ZNF277: variants seen among roughly 807,000 people sequenced by gnomAD.
ZNF277 encodes zinc finger protein 277.
A neutral mutation model predicts 60.7 loss-of-function variants in ZNF277; 55 were observed. That is an observed-to-expected ratio of 0.91 (90% CI 0.73 to 1.13). The LOEUF (loss-of-function observed/expected upper bound fraction) is 1.13, where lower values mean the gene tolerates loss of function less well. ZNF277 is among the 50% of genes most tolerant of loss of function. The pLI, the probability that ZNF277 is intolerant of heterozygous loss-of-function variation, is 0.00. For synonymous variants in ZNF277, 178 were observed against 179.3 expected, an observed-to-expected ratio of 0.99 and a Z score of 0.06; for missense variants, 510 against 523.0, an observed-to-expected ratio of 0.98 and a Z score of 0.24.
chr7:112,220,650 A>G (rs1471340760), intron 1 of ZNF277, among the ~76,000 whole-genome samples: 1 of 152,194 alleles, frequency 6.6e-6, no homozygotes, highest in African/African-American at 2.4e-5. Context: ...GGCCTTATTC[A>G]GAGACAGGAC....
At chr7:112,305,989 T>A (rs1224330920) in intron 4 of ZNF277, among the ~76,000 whole-genome samples, 1 of 152,126 alleles carries the variant, frequency 6.6e-6, no homozygotes, top group Non-Finnish European at 1.5e-5. Context: ...AGAAAGCTAG[T>A]ACTTTGTGAT....
chr7:112,214,749 A>T (rs1460603316), intron 1 of ZNF277, among the ~76,000 whole-genome samples: 1 of 152,180 alleles, frequency 6.6e-6, no homozygotes, highest in African/African-American at 2.4e-5. Flanking sequence ...AATATTTAAA[A>T]TTTTATAGGA....
In ZNF277 at chr7:112,327,862, G is replaced by C. The variant is rs200838932; in HGVS notation, c.668+35G>C. 3.6e-5 allele frequency: 50 copies of C among 1,379,906 alleles called. 1 individual carries two copies. In the South Asian group the frequency reaches 3.8e-4, roughly 11 times the overall value. 85.5% of individuals were successfully genotyped at this position (1,379,906 alleles called of 1,614,324 possible). A position where few individuals can be genotyped will look rare whatever the true frequency, so the allele number is the denominator to read the frequency against. On this transcript the variant is annotated intron_variant, in intron 6 of 11. Coordinates refer to ENST00000361822, the MANE Select transcript of ZNF277 (RefSeq NM_021994.3). ...GATTTATGAAACACTGCCTAAAGCT[G>C]TTTTAATCTTGGACTCTGTTGTGAA...
chr7:112,310,365 G>A (rs754177846), intron 4 of ZNF277, among the ~76,000 whole-genome samples: 2 of 151,620 alleles, frequency 1.3e-5, no homozygotes, highest in African/African-American at 2.4e-5. Context: ...AGGGCCATCC[G>A]AATTCTCCAC....
At chr7:112,244,688 T>C (rs1791041598) in intron 1 of ZNF277, among the ~76,000 whole-genome samples, 1 of 152,150 alleles carries the variant, frequency 6.6e-6, no homozygotes, top group Non-Finnish European at 1.5e-5. Flanking sequence ...TATTACCTCT[T>C]TCTTTTACAA....
chr7:112,286,651 G>C (rs1792069553), intron 1 of ZNF277, among the ~76,000 whole-genome samples: 1 of 152,030 alleles, frequency 6.6e-6, no homozygotes, highest in Admixed American at 6.6e-5. Flanking sequence ...AGCAAATGAG[G>C]GGTTTGAGCT....
chr7:112,318,277 T>G lies in ZNF277; in HGVS notation c.557+4T>G, dbSNP rs1584406258. On this transcript the variant is annotated splice_donor_region_variant and intron_variant, in intron 5 of 11. Coordinates refer to ENST00000361822, the MANE Select transcript of ZNF277 (RefSeq NM_021994.3). ...ATGAAGAATTCCTTGGAAACAGGTT[T>G]GCCATTTTGCATCTTTAAATGTTAC... The G allele has an allele frequency of 1.9e-6, 3 of 1,610,260 alleles. No homozygotes were observed. The highest frequency in any genetic ancestry group is 2.5e-6 in the Non-Finnish European group (3 of 1,176,630).
At chr7:112,339,757 A>T in intron 9 of ZNF277, 86 bp from the exon 10 acceptor site, 1 of 1,364,548 alleles carries the variant, frequency 7.3e-7, no homozygotes, top group Non-Finnish European at 1.0e-6. Context: ...TAAACTACTC[A>T]AACTCCTGTG....
At chr7:112,338,577 C>G (rs867055311) in intron 9 of ZNF277, among the ~76,000 whole-genome samples, 1 of 152,154 alleles carries the variant, frequency 6.6e-6, no homozygotes, top group Admixed American at 6.6e-5. Flanking sequence ...ACCATATTCT[C>G]TACTTTCACC....
In ZNF277 at chr7:112,339,691, G is replaced by T. The variant is rs1000324138; in HGVS notation, c.967-152G>T. 2.5e-5 allele frequency: 17 copies of T among 675,864 alleles called. 1 individual carries two copies. Among genetic ancestry groups the T allele is most frequent in the Non-Finnish European group, 3.8e-5 (15 of 398,432 alleles). The allele number at this position is 675,864 out of a possible 1,614,324, so 41.9% of individuals were successfully genotyped here. ...GTAAAAAAGTTGGGTATGGAGGGAA[G>T]TAGTTAGACTTGGAAGACTTCAAAA... On this transcript the variant is annotated intron_variant, in intron 9 of 11. Transcript: ENST00000361822.
At chr7:112,300,445 A>G (rs868776068) in intron 4 of ZNF277, among the ~76,000 whole-genome samples, 3 of 152,152 alleles carry the variant, frequency 2.0e-5, no homozygotes, top group Non-Finnish European at 4.4e-5. Flanking sequence ...AGTCTAGCTT[A>G]GTCTTGTCCA....
intron 5 of ZNF277, among the ~76,000 whole-genome samples, chr7:112,325,904 A>G (rs1793081959): frequency 6.6e-6 from 1 of 152,162 alleles, no homozygotes; most frequent in Non-Finnish European, 1.5e-5. Context: ...TCCTTGCTGA[A>G]CCAATCCTCT....
At chr7:112,231,040 C>T (rs1822312172) in intron 1 of ZNF277, among the ~76,000 whole-genome samples, 1 of 151,926 alleles carries the variant, frequency 6.6e-6, no homozygotes, top group African/African-American at 2.4e-5. Flanking sequence ...TAGTGAAACC[C>T]CGTCTCTATT....
chr7:112,313,142 A>G (rs906222300), intron 4 of ZNF277, among the ~76,000 whole-genome samples: 1 of 152,074 alleles, frequency 6.6e-6, no homozygotes, highest in Non-Finnish European at 1.5e-5. Flanking sequence ...TTCTATACCA[A>G]TGTACTTCAT....
intron 1 of ZNF277, among the ~76,000 whole-genome samples, chr7:112,262,909 C>T (rs1791467708): frequency 6.6e-6 from 1 of 152,108 alleles, no homozygotes; most frequent in East Asian, 1.9e-4. Context: ...TCATTAACAA[C>T]ATTCCTGCTG....
chr7:112,253,189 G>C (rs998969241), intron 1 of ZNF277, among the ~76,000 whole-genome samples: 13 of 152,008 alleles, frequency 8.6e-5, no homozygotes, highest in African/African-American at 3.1e-4. Context: ...TCAAATATCG[G>C]GTGTGGTAAA....
At chr7:112,293,955 C>T (rs905087030) in intron 2 of ZNF277, among the ~76,000 whole-genome samples, 2 of 152,150 alleles carry the variant, frequency 1.3e-5, no homozygotes, top group Non-Finnish European at 2.9e-5. Context: ...TATCTTAGCA[C>T]CTGGTTCTGC....
intron 4 of ZNF277, among the ~76,000 whole-genome samples, chr7:112,298,396 T>C (rs1792400523): frequency 6.6e-6 from 1 of 152,090 alleles, no homozygotes; most frequent in African/African-American, 2.4e-5. Flanking sequence ...TACATATGCA[T>C]CTAAATGTTC....
At chr7:112,216,593 T>G (rs1821890495) in intron 1 of ZNF277, among the ~76,000 whole-genome samples, 1 of 152,200 alleles carries the variant, frequency 6.6e-6, no homozygotes, top group African/African-American at 2.4e-5. Flanking sequence ...TTAATCCCAC[T>G]TCTCCTTCCG....
Sources: allele counts gnomAD v4.1 joint callset (sites outside exome capture counted in the v4.1 genomes callset), GRCh38; gene constraint gnomAD v4.1.1; transcripts MANE v1.5; gene names NCBI Gene and HGNC (gene_info 2026-07-23, HGNC 2026-07-21).